EXO1: variants seen among roughly 807,000 people sequenced by gnomAD.
The protein encoded by EXO1 is exonuclease 1.
Under a neutral mutation model 84.5 loss-of-function variants are expected in EXO1, and 69 were observed. The ratio of observed to expected loss-of-function variants is 0.82; its 90% CI spans 0.67 to 1.00. The LOEUF (loss-of-function observed/expected upper bound fraction) is 1.00. EXO1 is among the 50% of genes least tolerant of loss of function. The pLI is 0.00. For missense variants in EXO1, 1,045 were observed against 1,000.7 expected, an observed-to-expected ratio of 1.04 and a Z score of -0.60; for synonymous variants, 373 against 366.1, an observed-to-expected ratio of 1.02 and a Z score of -0.21.
rs149663738 is a variant in EXO1, at chr1:241,872,128, T to C, written c.1364T>C (p.Phe455Ser). The C allele has an allele frequency of 3.7e-4, 593 of 1,614,052 alleles. No individual in the cohort carries two copies. In the African/African-American group the frequency reaches 7.3e-3, roughly 20 times the overall value. Residue 455 changes from phenylalanine to serine, a missense_variant, in exon 12 of 16, where the codon TTT becomes TCT. Phe to Ser is a radical substitution (Grantham distance 155, BLOSUM62 -2). Coordinates refer to ENST00000366548, the MANE Select transcript of EXO1 (RefSeq NM_130398.4). ...NSSEGNKSLSFSEVFVPDLVN... is the reference protein window; with the variant it reads ...NSSEGNKSLSSSEVFVPDLVN... ...TCTGAAGGCAATAAATCATTGAGCT[T>C]TTCTGAAGTGTTTGTGCCTGACCTG...
At chr1:241,853,978 C>T (rs1266176612) in intron 6 of EXO1, among the ~76,000 whole-genome samples, 1 of 152,176 alleles carries the variant, frequency 6.6e-6, no homozygotes, top group African/African-American at 2.4e-5. Context: ...GATGTAGCTT[C>T]GTTGCCCCAG....
intron 11 of EXO1, among the ~76,000 whole-genome samples, chr1:241,871,449 T>C (rs947808170): frequency 6.6e-6 from 1 of 152,350 alleles, no homozygotes; most frequent in South Asian, 2.1e-4. Context: ...TTTAAACTTT[T>C]GTTATTATTT....
chr1:241,880,872 G>A (rs1381301740), intron 13 of EXO1, among the ~76,000 whole-genome samples: 1 of 152,156 alleles, frequency 6.6e-6, no homozygotes, highest in Non-Finnish European at 1.5e-5. Flanking sequence ...ATTTGAGGTT[G>A]AAGTCTTCTT....
chr1:241,859,581 G>T (rs755182479), intron 8 of EXO1, among the ~76,000 whole-genome samples: 6 of 152,036 alleles, frequency 3.9e-5, no homozygotes, highest in Non-Finnish European at 7.4e-5. Flanking sequence ...GTTTAGACTT[G>T]GGCCCCATCC....
At chr1:241,877,523 A>G (rs867148449) in intron 12 of EXO1, among the ~76,000 whole-genome samples, 1 of 152,154 alleles carries the variant, frequency 6.6e-6, no homozygotes, top group Admixed American at 6.5e-5. Flanking sequence ...GATTTGGTGA[A>G]AGGATAGAAA....
Position 241,879,245 on chromosome 1 carries a change from G to A in EXO1, c.2011G>A (p.Ala671Thr). The change falls in exon 13 of 16, where the codon GCA becomes ACA. Residue 671 changes from alanine (A) to threonine (T), a missense_variant. By Grantham distance (58) the Ala-to-Thr change is moderately conservative. Coordinates refer to ENST00000366548, the MANE Select transcript of EXO1 (RefSeq NM_130398.4). ...TGAGTCTCATCCCTTACGAGAAGAG[G>A]CATGTTCTTCACAGTCCCAGGAAAG... ...DDESHPLREE[A>T]CSSQSQESGE... 6.3e-7 allele frequency: 1 copy of A among 1,599,704 alleles called. No homozygotes were observed. Among genetic ancestry groups the A allele is most frequent in the Non-Finnish European group, 8.5e-7 (1 of 1,173,844 alleles).
intron 12 of EXO1, among the ~76,000 whole-genome samples, chr1:241,873,388 G>A (rs1307087791): frequency 2.6e-5 from 4 of 152,210 alleles, no homozygotes; most frequent in Middle Eastern, 3.4e-3. Context: ...TTAACTTCTA[G>A]TACTTTCGTA....
At chr1:241,882,781 G>A (rs188293809) in intron 14 of EXO1, among the ~76,000 whole-genome samples, 16 of 152,030 alleles carry the variant, frequency 1.1e-4, no homozygotes, top group Non-Finnish European at 1.5e-4. Flanking sequence ...ATAGTTTCTT[G>A]CCTCTTCATA....
chr1:241,888,784 C>T (rs1239062551), intron 15 of EXO1, among the ~76,000 whole-genome samples: 2 of 152,030 alleles, frequency 1.3e-5, no homozygotes, highest in African/African-American at 4.8e-5. Flanking sequence ...GAATAAAAGA[C>T]AGGGCTTAGG....
At chr1:241,874,241 G>A (rs377461400) in intron 12 of EXO1, among the ~76,000 whole-genome samples, 315 of 152,218 alleles carry the variant, frequency 2.1e-3, no homozygotes, top group African/African-American at 7.3e-3. Context: ...CTTCCTAAAA[G>A]TACAAAACCT....
In EXO1 at chr1:241,889,485, C is replaced by T; in HGVS notation, c.2426C>T (p.Pro809Leu). 1 of 1,613,566 alleles carries T rather than the reference C, an allele frequency of 6.2e-7. No individual in the cohort carries two copies. The highest frequency in any genetic ancestry group is 8.5e-7 in the Non-Finnish European group (1 of 1,179,500). Residue 809 changes from proline to leucine, a missense_variant, in exon 16 of 16, where the codon CCT (proline) becomes CTT (leucine). Coordinates refer to ENST00000366548, the MANE Select transcript of EXO1 (RefSeq NM_130398.4). Reference sequence around the variant, plus strand: ...TGCAGAGATTCTGAAAAGCTTCCTCCTTGTAAGAAACCCCTGTCCCCAGTC... The same window carrying T: ...TGCAGAGATTCTGAAAAGCTTCCTCTTTGTAAGAAACCCCTGTCCCCAGTC... ...GFKKDSEKLP[P>L]CKKPLSPVRD...
intron 11 of EXO1, among the ~76,000 whole-genome samples, chr1:241,869,688 AT>A (rs1351049140): frequency 2.6e-5 from 4 of 152,136 alleles, no homozygotes; most frequent in African/African-American, 9.7e-5. Context: ...AAGATAATAT[AT>A]ACTTGTTATA....
rs909951450 is a variant in EXO1, at chr1:241,864,452, G to A, written c.1042-2378G>A. On this transcript the variant is annotated intron_variant, in intron 10 of 15. Transcript: ENST00000366548. ...ATCTATCTTCAGAAATGCCTGCTAT[G>A]TCTGTTACTCTTTGTGGGTTTCAAA... Among the ~76,000 whole-genome samples, 7 of 152,340 alleles carry A rather than the reference G, an allele frequency of 4.6e-5. No individual in the cohort carries two copies. The East Asian group carries it at 5.8e-4, about 13-fold the overall frequency.
At chr1:241,859,072 C>A (rs546542868) in intron 8 of EXO1, among the ~76,000 whole-genome samples, 1 of 152,258 alleles carries the variant, frequency 6.6e-6, no homozygotes, top group Non-Finnish European at 1.5e-5. Flanking sequence ...CTTTACACTC[C>A]TCAAGCTCCT....
In EXO1 at chr1:241,875,616, T is replaced by C. The variant is rs142505093; in HGVS notation, c.1515-3133T>C. Among the ~76,000 whole-genome samples, 1,282 of 152,292 alleles carry C rather than the reference T, an allele frequency of 8.4e-3. 15 individuals carry two copies. The highest frequency in any genetic ancestry group is 0.028 in the African/African-American group (1,145 of 41,570). ...TGATTGGGCCGGCCGTGGTGGTTCA[T>C]GCCTTTAATCCCAGCACTTTGGGAG... On this transcript the variant is annotated intron_variant, in intron 12 of 15. Coordinates refer to ENST00000366548, the MANE Select transcript of EXO1 (RefSeq NM_130398.4).
At chr1:241,868,374 C>CAAAAAAAAAAAAAAAAAAA (rs10591886) in intron 11 of EXO1, among the ~76,000 whole-genome samples, 2 of 115,890 alleles carry the variant, frequency 1.7e-5, no homozygotes, top group Non-Finnish European at 1.9e-5. Context: ...GAATCCATCT[C>CAAAAAAAAAAAAAAAAAAA]AAAAAAAAAA....
intron 6 of EXO1, chr1:241,854,524 C>G (rs2236918): frequency 0.62 from 94,287 of 152,236 alleles, 29,690 homozygotes; most frequent in East Asian, 0.79. Flanking sequence ...AGGCGCTACA[C>G]TTCTGATTTT....
intron 8 of EXO1, among the ~76,000 whole-genome samples, chr1:241,859,398 G>A (rs141408664): frequency 3.9e-5 from 6 of 152,214 alleles, no homozygotes; most frequent in Non-Finnish European, 8.8e-5. Context: ...GTCCCGGCAG[G>A]CAAGTGAAAA....
intron 3 of EXO1, among the ~76,000 whole-genome samples, 174 bp from the exon 4 acceptor site, chr1:241,850,235 A>T (rs1660582457): frequency 6.6e-6 from 1 of 151,550 alleles, no homozygotes; most frequent in Non-Finnish European, 1.5e-5. Flanking sequence ...GAGCCGATAT[A>T]GGCCACTGCA....
Sources: allele counts gnomAD v4.1 joint callset (sites outside exome capture counted in the v4.1 genomes callset), GRCh38; gene constraint gnomAD v4.1.1; transcripts MANE v1.5; gene names NCBI Gene and HGNC (gene_info 2026-07-23, HGNC 2026-07-21).